POU2F3: variants seen among roughly 807,000 people sequenced by gnomAD.
POU2F3 encodes the protein POU domain, class 2, transcription factor 3.
In POU2F3, 23 loss-of-function variants were observed where a neutral mutation model predicts 59.2. The observed-to-expected ratio is 0.39, with a 90% CI of 0.28 to 0.55. The LOEUF (loss-of-function observed/expected upper bound fraction) is 0.55, where lower values mean the gene tolerates loss of function less well. POU2F3 is among the 20% of genes least tolerant of loss of function. The pLI, the probability that POU2F3 is intolerant of heterozygous loss-of-function variation, is 0.66. For missense variants in POU2F3, 473 were observed against 544.5 expected (o/e 0.87, Z 1.31); for synonymous variants, 190 against 214.6 (o/e 0.89, Z 1.00).
At chr11:120,280,581 A>G (rs1047889631) in intron 3 of POU2F3, among the ~76,000 whole-genome samples, 1 of 152,144 alleles carries the variant, frequency 6.6e-6, no homozygotes, top group Non-Finnish European at 1.5e-5. Context: ...ACTTTCTACC[A>G]TACCAGGCTG....
At chr11:120,284,935 T>C (rs1383745899) in intron 3 of POU2F3, among the ~76,000 whole-genome samples, 2 of 152,210 alleles carry the variant, frequency 1.3e-5, no homozygotes, top group East Asian at 3.9e-4. Context: ...GACACGTTTG[T>C]TTATTCATAA....
chr11:120,243,861 A>C (rs1938769235), intron 1 of POU2F3, among the ~76,000 whole-genome samples: 1 of 152,216 alleles, frequency 6.6e-6, no homozygotes, highest in African/African-American at 2.4e-5. Context: ...TAATGGATAC[A>C]TCAAATGAGT....
At chr11:120,269,611 A>G (rs1393094350) in intron 3 of POU2F3, among the ~76,000 whole-genome samples, 1 of 152,190 alleles carries the variant, frequency 6.6e-6, no homozygotes, top group Non-Finnish European at 1.5e-5. Flanking sequence ...ATGCAGCCAC[A>G]AAGGATGAGG....
At chr11:120,274,284 A>G (rs143648983) in intron 3 of POU2F3, among the ~76,000 whole-genome samples, 2 of 152,284 alleles carry the variant, frequency 1.3e-5, no homozygotes, top group African/African-American at 4.8e-5. Flanking sequence ...TAAAGTGGGG[A>G]GAATAGTGAT....
At position 120,240,363 on chromosome 11, in the gene POU2F3, T is replaced by C; in HGVS notation, c.20T>C (p.Met7Thr). The change falls in exon 1 of 13, where the codon ATG becomes ACG. Residue 7 changes from methionine to threonine, a missense_variant. Met to Thr is a moderately conservative substitution (Grantham distance 81, BLOSUM62 -1). Transcript: ENST00000543440. Reference sequence around the variant, plus strand: ...GGCAGGATGGTGAATCTGGAGTCCATGCACACAGGTGAGGGGCGGAGGGAA... The same window carrying C: ...GGCAGGATGGTGAATCTGGAGTCCACGCACACAGGTGAGGGGCGGAGGGAA... Reference protein sequence around the residue: MVNLESMHTDIKMSGDV... With the variant: MVNLESTHTDIKMSGDV... 7.0e-7 allele frequency: 1 copy of C among 1,427,448 alleles called. No homozygotes were observed. Among genetic ancestry groups the C allele is most frequent in the Non-Finnish European group, 9.3e-7 (1 of 1,080,142 alleles). 88.4% of individuals were successfully genotyped at this position (1,427,448 alleles called of 1,614,324 possible).
At chr11:120,269,595 G>C (rs1591395395) in intron 3 of POU2F3, among the ~76,000 whole-genome samples, 1 of 152,300 alleles carries the variant, frequency 6.6e-6, no homozygotes, top group Admixed American at 6.5e-5. Context: ...GTGTACAGAG[G>C]AATTTATGCA....
upstream of POU2F3, among the ~76,000 whole-genome samples, chr11:120,237,939 C>G (rs1938540642): frequency 6.6e-6 from 1 of 152,078 alleles, no homozygotes; most frequent in African/African-American, 2.4e-5. Flanking sequence ...CTTTCCTCAC[C>G]CAGAAGAAAC....
chr11:120,253,862 C>G (rs927414259), intron 2 of POU2F3, among the ~76,000 whole-genome samples: 2 of 152,220 alleles, frequency 1.3e-5, no homozygotes, highest in African/African-American at 2.4e-5. Context: ...GTATGACCTC[C>G]TTACCATTCC....
At chr11:120,257,429 T>C (rs1296297697) in intron 2 of POU2F3, among the ~76,000 whole-genome samples, 1 of 152,050 alleles carries the variant, frequency 6.6e-6, no homozygotes, top group Non-Finnish European at 1.5e-5. Flanking sequence ...GACCTGCTCC[T>C]GCCACATCTC....
intron 4 of POU2F3, among the ~76,000 whole-genome samples, chr11:120,299,047 C>G (rs905039242): frequency 6.6e-6 from 1 of 152,194 alleles, no homozygotes; most frequent in African/African-American, 2.4e-5. Flanking sequence ...ATCCCCCAAG[C>G]ATCGGAATTA....
At chr11:120,275,251 G>T (rs960462154) in intron 3 of POU2F3, among the ~76,000 whole-genome samples, 2 of 152,134 alleles carry the variant, frequency 1.3e-5, no homozygotes, top group Non-Finnish European at 2.9e-5. Context: ...GAAAGGCAGT[G>T]CAGGAGAAAG....
At chr11:120,254,504 C>T (rs1939251507) in intron 2 of POU2F3, among the ~76,000 whole-genome samples, 1 of 139,458 alleles carries the variant, frequency 7.2e-6, no homozygotes, top group South Asian at 2.9e-4. Context: ...GAGACCACTT[C>T]CCCCCGGAAG....
intron 3 of POU2F3, among the ~76,000 whole-genome samples, chr11:120,282,282 G>A (rs1378518920): frequency 6.6e-6 from 1 of 152,224 alleles, no homozygotes; most frequent in Non-Finnish European, 1.5e-5. Context: ...ATACCTAACA[G>A]GGTGGTTTTT....
chr11:120,300,530 G>A lies in POU2F3; in HGVS notation c.361+804G>A, dbSNP rs1342323372. ...TGTAATCCCAGCACTTTGGGAGGCC[G>A]AGGTGGACGGATCACTTGAGGCCAG... On this transcript the variant is annotated intron_variant, in intron 5 of 12. Transcript: ENST00000543440. 8.5e-5 allele frequency among the ~76,000 whole-genome samples: 13 copies of A among 152,200 alleles called. 1 individual carries two copies. The South Asian group carries it at 1.9e-3, about 22-fold the overall frequency.
At chr11:120,237,756 T>C (rs1938536587), upstream of POU2F3, among the ~76,000 whole-genome samples, 1 of 151,766 alleles carries the variant, frequency 6.6e-6, no homozygotes, top group Admixed American at 6.6e-5. Flanking sequence ...AGTGCAGTTG[T>C]AGGTAAGAAA....
chr11:120,298,503 A>G (rs1941254972), intron 4 of POU2F3, 113 bp downstream of exon 4: 3 of 1,436,450 alleles, frequency 2.1e-6, no homozygotes, highest in Admixed American at 4.1e-5. Flanking sequence ...CAATGTGGGA[A>G]AGAGATCTGG....
Position 120,248,193 on chromosome 11 carries a change from C to T in POU2F3, c.97+1676C>T, listed in dbSNP as rs773202660. On this transcript the variant is annotated intron_variant, in intron 2 of 12. Transcript: ENST00000543440. ...AGACCTTCAGAATCTGTCTCTTATC[C>T]GGGGATACCACCAATTCAATATGTG... 2.6e-5 allele frequency among the ~76,000 whole-genome samples: 4 copies of T among 152,128 alleles called. 1 individual carries two copies. Among genetic ancestry groups the T allele is most frequent in the Non-Finnish European group, 5.9e-5 (4 of 68,016 alleles).
At chr11:120,260,940 C>T (rs1446672338) in intron 2 of POU2F3, among the ~76,000 whole-genome samples, 5 of 151,966 alleles carry the variant, frequency 3.3e-5, no homozygotes, top group Admixed American at 2.6e-4. Context: ...TGGTAGCACA[C>T]CTGTGGTCCT....
chr11:120,250,292 G>A (rs1332815621), intron 2 of POU2F3: 2 of 152,142 alleles, frequency 1.3e-5, no homozygotes, highest in Non-Finnish European at 2.9e-5. Context: ...GACTTAGCTT[G>A]TAGTTGTATA....
Sources: allele counts gnomAD v4.1 joint callset (sites outside exome capture counted in the v4.1 genomes callset), GRCh38; gene constraint gnomAD v4.1.1; transcripts MANE v1.5; gene names NCBI Gene and HGNC (gene_info 2026-07-23, HGNC 2026-07-21).